Variants in KCNIP1 observed in about 807,000 individuals in gnomAD.
KCNIP1 encodes the protein potassium voltage-gated channel interacting protein 1.
A neutral mutation model predicts 33.0 loss-of-function variants in KCNIP1; 18 were observed. The observed-to-expected ratio is 0.55, with a 90% CI of 0.38 to 0.81. The LOEUF (loss-of-function observed/expected upper bound fraction) is 0.81. KCNIP1 is among the 30% of genes least tolerant of loss of function. KCNIP1 has a pLI of 0.00. For missense variants in KCNIP1, 238 were observed against 271.6 expected, an observed-to-expected ratio of 0.88 and a Z score of 0.87; for synonymous variants, 93 against 98.3, an observed-to-expected ratio of 0.95 and a Z score of 0.32.
At chr5:170,708,868 C>T (rs1167766071) in intron 1 of KCNIP1, among the ~76,000 whole-genome samples, 1 of 152,170 alleles carries the variant, frequency 6.6e-6, no homozygotes, top group Non-Finnish European at 1.5e-5. Flanking sequence ...CAGTGCACTT[C>T]ATCCTGGATG....
upstream of KCNIP1, among the ~76,000 whole-genome samples, chr5:170,503,393 CAAAAAA>C (rs10628243): frequency 2.6e-4 from 29 of 112,512 alleles, no homozygotes; most frequent in South Asian, 7.9e-3. Flanking sequence ...GACTCCGTCT[CAAAAAA>C]AAAAAAAAAA....
intron 1 of KCNIP1, among the ~76,000 whole-genome samples, chr5:170,472,636 G>A (rs532384603): frequency 1.5e-5 from 2 of 130,996 alleles, no homozygotes; most frequent in African/African-American, 3.0e-5. Context: ...ATGCCTTTGC[G>A]TCCTCATAGC....
In KCNIP1 at chr5:170,489,225, C is replaced by T. The variant is rs150913970; in HGVS notation, c.88+135261C>T. Among the ~76,000 whole-genome samples the T allele has an allele frequency of 2.5e-3, 374 of 152,330 alleles. 2 individuals carry two copies. Among genetic ancestry groups the T allele is most frequent in the African/African-American group, 7.7e-3 (320 of 41,588 alleles). On this transcript the variant is annotated intron_variant, in intron 1 of 7. Transcript: ENST00000377360. This position sits in a 1 kb window ranked among gnomAD's most constrained non-coding sequence, Gnocchi z 4.3. ...ACGATGACTCCATCTGTCACCTCGG[C>T]ACTTACCCCAAAAGATGGAGGACTG...
chr5:170,623,834 G>T (rs1029662694), intron 1 of KCNIP1, among the ~76,000 whole-genome samples: 1 of 152,184 alleles, frequency 6.6e-6, no homozygotes, highest in Non-Finnish European at 1.5e-5. Flanking sequence ...GACACTGGGA[G>T]GTCTTACATT....
chr5:170,631,039 A>G lies in KCNIP1; in HGVS notation c.62-87719A>G, dbSNP rs1760033900. 2.0e-5 allele frequency among the ~76,000 whole-genome samples: 3 copies of G among 152,202 alleles called. No homozygotes were observed. In the South Asian group the frequency reaches 6.2e-4, roughly 31 times the overall value. ...CTTGAGTACAGATTGTCAATGACTC[A>G]GTGTGTGAACTTGGTCAGGTGACTC... On this transcript the variant is annotated intron_variant, in intron 1 of 7. Coordinates refer to ENST00000328939, the MANE Select transcript of KCNIP1 (RefSeq NM_014592.4).
At chr5:170,521,089 A>G (rs1755347619) in intron 1 of KCNIP1, among the ~76,000 whole-genome samples, 1 of 152,226 alleles carries the variant, frequency 6.6e-6, no homozygotes, top group African/African-American at 2.4e-5. Context: ...CTCAGGCAAC[A>G]GACTTGATAA....
chr5:170,382,297 T>C (rs1764274643), intron 1 of KCNIP1, among the ~76,000 whole-genome samples: 2 of 152,236 alleles, frequency 1.3e-5, no homozygotes. Context: ...TGACCAGAGA[T>C]TCCACCTTGA....
At chr5:170,475,543 C>T (rs1022002762) in intron 1 of KCNIP1, among the ~76,000 whole-genome samples, 5 of 152,130 alleles carry the variant, frequency 3.3e-5, no homozygotes, top group African/African-American at 1.2e-4. Flanking sequence ...TAAGGGCTCT[C>T]ACTGCTGGTA....
intron 1 of KCNIP1, among the ~76,000 whole-genome samples, chr5:170,614,129 G>A (rs1019025168): frequency 1.3e-5 from 2 of 152,220 alleles, no homozygotes; most frequent in African/African-American, 4.8e-5. Context: ...AACAGCTGGC[G>A]AGGAAGGACT....
At chr5:170,604,798 ACC>A (rs1285904554) in intron 1 of KCNIP1, among the ~76,000 whole-genome samples, 1 of 152,172 alleles carries the variant, frequency 6.6e-6, no homozygotes, top group African/African-American at 2.4e-5. Context: ...TGGGAACTGC[ACC>A]CAAGACAGGT....
chr5:170,655,957 C>G (rs1761249036), intron 1 of KCNIP1, among the ~76,000 whole-genome samples: 2 of 152,172 alleles, frequency 1.3e-5, no homozygotes, highest in South Asian at 4.1e-4. Flanking sequence ...CCTTGGGCCC[C>G]AAAGGGCTAG....
chr5:170,678,221 G>A (rs1019119736), intron 1 of KCNIP1, among the ~76,000 whole-genome samples: 1 of 152,220 alleles, frequency 6.6e-6, no homozygotes, highest in Non-Finnish European at 1.5e-5. Context: ...CCAAATCACA[G>A]ACTCAGCTTG....
chr5:170,459,728 A>G (rs1219978779), intron 1 of KCNIP1, among the ~76,000 whole-genome samples: 1 of 152,186 alleles, frequency 6.6e-6, no homozygotes, highest in Non-Finnish European at 1.5e-5. Flanking sequence ...AAAGGCCTAC[A>G]TTGAAAAGTC....
At chr5:170,720,808 T>C (rs894083152) in intron 3 of KCNIP1, among the ~76,000 whole-genome samples, 1 of 152,258 alleles carries the variant, frequency 6.6e-6, no homozygotes, top group Non-Finnish European at 1.5e-5. Context: ...CACTTTTGAA[T>C]CTTTTCCTTA....
chr5:170,725,938 A>G (rs1191018632), intron 5 of KCNIP1, among the ~76,000 whole-genome samples: 1 of 152,236 alleles, frequency 6.6e-6, no homozygotes, highest in Non-Finnish European at 1.5e-5. Context: ...GGAAACAAAA[A>G]TGGACATTAA....
rs745329881 is a variant in KCNIP1 at position 170,383,768 on chromosome 5, G to A, written c.88+29804G>A. The A allele has an allele frequency of 1.9e-6, 3 of 1,614,114 alleles. No individual in the cohort carries two copies. In the Admixed American group the frequency reaches 5.0e-5, roughly 27 times the overall value. On this transcript the variant is annotated intron_variant, in intron 1 of 7. Coordinates refer to the KCNIP1 transcript ENST00000377360. ...ACGTTGACCCACAGGCATGGGTACTGGGGCACCTTCTTGCCCTTCAGCTCC... is the reference window on the plus strand; with the variant it reads ...ACGTTGACCCACAGGCATGGGTACTAGGGCACCTTCTTGCCCTTCAGCTCC...
intron 1 of KCNIP1, among the ~76,000 whole-genome samples, chr5:170,455,123 GA>G (rs1476761420): frequency 6.6e-6 from 1 of 152,122 alleles, no homozygotes; most frequent in African/African-American, 2.4e-5. Flanking sequence ...GCAATATTTA[GA>G]AACTTCAATA....
chr5:170,360,394 C>T (rs149529776), intron 1 of KCNIP1, among the ~76,000 whole-genome samples: 85 of 152,316 alleles, frequency 5.6e-4, no homozygotes, highest in African/African-American at 1.8e-3. Context: ...GAGTCTGTGT[C>T]CTTCCGTAAA....
chr5:170,665,998 T>C lies in KCNIP1; in HGVS notation c.62-52760T>C, dbSNP rs1464030928. Among the ~76,000 whole-genome samples the C allele has an allele frequency of 2.6e-5, 4 of 152,306 alleles. No individual in the cohort carries two copies. In the East Asian group the frequency reaches 7.7e-4, roughly 29 times the overall value. On this transcript the variant is annotated intron_variant, in intron 1 of 7. Transcript: ENST00000328939. Reference sequence around the variant, plus strand: ...TGGCTAAGATTGTGTTTGTCAGGTTTCTCTGCTGTGAAGTCATTTTCCTCC... The same window carrying C: ...TGGCTAAGATTGTGTTTGTCAGGTTCCTCTGCTGTGAAGTCATTTTCCTCC...
Sources: gnomAD v4.1 joint callset for allele counts (sites outside exome capture counted in the v4.1 genomes callset) on GRCh38, gnomAD v4.1.1 for gene constraint, Gnocchi (gnomAD v3.1) non-coding constraint, MANE v1.5 for transcripts, NCBI Gene and HGNC (gene_info 2026-07-23, HGNC 2026-07-21) for gene names.